Variants in ABCA8 observed in about 807,000 individuals in gnomAD.
ABCA8 encodes the protein ABC-type organic anion transporter ABCA8.
A neutral mutation model predicts 192.3 loss-of-function variants in ABCA8; 177 were observed. The observed-to-expected ratio is 0.92, with a 90% confidence interval of 0.81 to 1.04. The LOEUF is 1.04. ABCA8 is among the 50% of genes least tolerant of loss of function. The pLI is 0.00. For missense variants in ABCA8, 1,915 were observed against 1,904.8 expected, an observed-to-expected ratio of 1.01 and a Z score of -0.10; for synonymous variants, 642 against 690.2, an observed-to-expected ratio of 0.93 and a Z score of 1.09.
In ABCA8 at chr17:68,928,982, G is replaced by A. The variant is rs1285802177; in HGVS notation, c.1125+67C>T. 4.1e-6 allele frequency: 5 copies of A among 1,232,964 alleles called. No homozygotes were observed. The East Asian group carries it at 1.1e-4, about 27-fold the overall frequency. The allele number at this position is 1,232,964 out of a possible 1,614,324, so 76.4% of individuals were successfully genotyped here. On this transcript the variant is annotated intron_variant, in intron 9 of 39. Coordinates refer to ENST00000586539, the MANE Select transcript of ABCA8 (RefSeq NM_001288985.2). ...AATGCTGAGTTTGTAAATGATTACA[G>A]CCTATGGATTCCAGAGGGACAGATG...
intron 10 of ABCA8, among the ~76,000 whole-genome samples, chr17:68,927,711 C>G (rs990455098): frequency 2.6e-5 from 4 of 151,652 alleles, no homozygotes; most frequent in African/African-American, 9.7e-5. Context: ...ATTCTATAAA[C>G]AAAATTCAGG....
At chr17:68,904,575 A>G (rs2143502575) in intron 19 of ABCA8, among the ~76,000 whole-genome samples, 1 of 152,270 alleles carries the variant, frequency 6.6e-6, no homozygotes, top group African/African-American at 2.4e-5. Flanking sequence ...TAGGTAGGTG[A>G]AAAGAAAGCA....
At chr17:68,880,783 C>A (rs1028269340) in intron 32 of ABCA8, 1 of 323,558 alleles carries the variant, frequency 3.1e-6, no homozygotes, top group Non-Finnish European at 5.8e-6. Flanking sequence ...TCATTCTTGG[C>A]AGGCTTGGGA....
chr17:68,893,892 C>A (rs1291952039), intron 23 of ABCA8: 1 of 115,354 alleles, frequency 8.7e-6, no homozygotes, highest in East Asian at 2.9e-4. Flanking sequence ...CCCCCTCCCC[C>A]CACCCCACCA....
intron 4 of ABCA8, 86 bp from the exon 5 acceptor site, chr17:68,937,201 G>A: frequency 1.8e-6 from 2 of 1,127,354 alleles, no homozygotes; most frequent in Non-Finnish European, 2.5e-6. Context: ...TTTTACTAGA[G>A]TTTTCTATGG....
At chr17:68,940,434 T>C (rs967360331) in intron 4 of ABCA8, among the ~76,000 whole-genome samples, 2 of 152,134 alleles carry the variant, frequency 1.3e-5, no homozygotes, top group African/African-American at 2.4e-5. Flanking sequence ...CATGTCAACA[T>C]ATCCCTAAAC....
chr17:68,895,057 A>G (rs188166957), intron 21 of ABCA8, 44 bp from the exon 22 acceptor site: 23 of 1,516,602 alleles, frequency 1.5e-5, no homozygotes, highest in Admixed American at 1.0e-4. Context: ...AACTAAAAAC[A>G]TTAATGTCAA....
intron 19 of ABCA8, among the ~76,000 whole-genome samples, chr17:68,904,362 C>T (rs1447737751): frequency 6.6e-6 from 1 of 150,838 alleles, no homozygotes; most frequent in Non-Finnish European, 1.5e-5. Context: ...TTCTGCTTCT[C>T]GTTAGTTGCA....
In ABCA8 at chr17:68,903,502, G is replaced by A. The variant is rs1276334392; in HGVS notation, c.2399-3C>T. ...TACTTCTCCCAAAATAGCAATGTCT[G>A]CAAAACATAAAATAAGCAACTCATA... On this transcript the variant is annotated splice_polypyrimidine_tract_variant and splice_region_variant and intron_variant, in intron 19 of 39. Coordinates refer to ENST00000586539, the MANE Select transcript of ABCA8 (RefSeq NM_001288985.2). 1.2e-6 allele frequency: 2 copies of A among 1,613,846 alleles called. No individual in the cohort carries two copies. Among genetic ancestry groups the A allele is most frequent in the Non-Finnish European group, 1.7e-6 (2 of 1,179,926 alleles).
chr17:68,902,943 A>G, intron 20 of ABCA8, 64 bp from the exon 21 acceptor site: 1 of 1,361,310 alleles, frequency 7.3e-7, no homozygotes, highest in Non-Finnish European at 1.0e-6. Flanking sequence ...CTCTCTGAGC[A>G]GTTTATAATG....
intron 22 of ABCA8, chr17:68,894,638 A>C: frequency 1.9e-6 from 1 of 513,648 alleles, no homozygotes; most frequent in Non-Finnish European, 3.3e-6. Context: ...GGAAACATGA[A>C]ATGTTCGAAC....
chr17:68,918,797 C>T (rs139980707), intron 14 of ABCA8, among the ~76,000 whole-genome samples: 190 of 151,818 alleles, frequency 1.3e-3, no homozygotes, highest in African/African-American at 4.5e-3. Context: ...CCAAGCCTGG[C>T]GGCGTGCCTG....
intron 26 of ABCA8, among the ~76,000 whole-genome samples, chr17:68,886,387 T>C (rs2066462078): frequency 6.6e-6 from 1 of 152,208 alleles, no homozygotes; most frequent in Non-Finnish European, 1.5e-5. Flanking sequence ...GCTTTTCCTC[T>C]GCTAGGTTTC....
At chr17:68,887,625 T>C in intron 24 of ABCA8, 119 bp from the exon 25 acceptor site, 1 of 864,084 alleles carries the variant, frequency 1.2e-6, no homozygotes, top group Non-Finnish European at 1.8e-6. Flanking sequence ...ACAAATGTAA[T>C]CTGGACTAAG....
At chr17:68,917,954 C>A in intron 16 of ABCA8, 93 bp downstream of exon 16, 5 of 1,459,548 alleles carry the variant, frequency 3.4e-6, no homozygotes, top group Non-Finnish European at 4.6e-6. Flanking sequence ...AGCTAGATTA[C>A]CGAATTACAA....
intron 10 of ABCA8, among the ~76,000 whole-genome samples, 198 bp from the exon 11 acceptor site, chr17:68,925,067 C>T (rs1297429092): frequency 2.0e-5 from 3 of 152,020 alleles, no homozygotes; most frequent in Admixed American, 1.3e-4. Flanking sequence ...TAAATCCTAT[C>T]GGAAGCAATG....
intron 7 of ABCA8, among the ~76,000 whole-genome samples, chr17:68,929,995 G>A (rs1436178512): frequency 6.8e-6 from 1 of 147,434 alleles, no homozygotes; most frequent in East Asian, 2.1e-4. Context: ...GGTGGGGGGG[G>A]AATTAGGTTT....
At chr17:68,909,905 G>A (rs986417151) in intron 17 of ABCA8, among the ~76,000 whole-genome samples, 1 of 152,070 alleles carries the variant, frequency 6.6e-6, no homozygotes, top group Non-Finnish European at 1.5e-5. Flanking sequence ...AACAAAAACA[G>A]TAGTTTAAAA....
intron 7 of ABCA8, among the ~76,000 whole-genome samples, chr17:68,930,561 C>T (rs1052911009): frequency 1.3e-5 from 2 of 152,146 alleles, no homozygotes; most frequent in Admixed American, 1.3e-4. Context: ...AACTCACACA[C>T]ATAGCAATTA....
Sources: allele counts gnomAD v4.1 joint callset (sites outside exome capture counted in the v4.1 genomes callset), GRCh38; gene constraint gnomAD v4.1.1; transcripts MANE v1.5; gene names NCBI Gene and HGNC (gene_info 2026-07-23, HGNC 2026-07-21).